Variants in TERB2 observed in about 807,000 individuals in gnomAD.
The protein encoded by TERB2 is telomere repeat binding bouquet formation protein 2.
TERB2 carries 26 observed loss-of-function variants against 29.8 expected under a neutral mutation model. The ratio of observed to expected loss-of-function variants is 0.87; its 90% CI spans 0.64 to 1.21. TERB2 has a LOEUF of 1.21. TERB2 is among the 50% of genes most tolerant of loss of function. TERB2 has a pLI of 0.00. For missense variants in TERB2, 240 were observed against 268.6 expected (o/e 0.89, Z 0.74); for synonymous variants, 80 against 90.8 (o/e 0.88, Z 0.68).
intron 2 of TERB2, among the ~76,000 whole-genome samples, chr15:44,957,925 T>G (rs1238600840): frequency 1.3e-5 from 2 of 152,070 alleles, no homozygotes; most frequent in African/African-American, 4.8e-5. Flanking sequence ...CCATTATTGT[T>G]CATGCATGCC....
In TERB2 at chr15:44,965,473, TAAAG is replaced by T. The variant is rs951057204; in HGVS notation, c.349-683_349-680del. 2.0e-3 allele frequency among the ~76,000 whole-genome samples: 294 copies of T among 144,526 alleles called. 2 individuals are homozygous for T. The highest frequency in any genetic ancestry group is 2.7e-3 in the Non-Finnish European group (181 of 66,114). The allele number at this position is 144,526 out of a possible 152,430, so 94.8% of individuals were successfully genotyped here. On this transcript the variant is annotated intron_variant, in intron 4 of 6. Coordinates refer to ENST00000340827, the MANE Select transcript of TERB2 (RefSeq NM_152448.3). ...ATATTTATAAAGATATATATATTTA[TAAAG>T]ATATATATTTATATAGATATATATT...
chr15:44,974,112 C>T (rs1892009923), intron 6 of TERB2, among the ~76,000 whole-genome samples, 157 bp downstream of exon 6: 1 of 152,170 alleles, frequency 6.6e-6, no homozygotes, highest in Non-Finnish European at 1.5e-5. Context: ...GAATAAATTA[C>T]CTGCAGAATT....
At chr15:44,974,030 G>A in intron 6 of TERB2, 75 bp downstream of exon 6, 1 of 1,312,050 alleles carries the variant, frequency 7.6e-7, no homozygotes, top group Admixed American at 2.4e-5. Flanking sequence ...TAAAGCTGTT[G>A]TACTTCAGAT....
chr15:44,957,439 C>T (rs1447257492), intron 2 of TERB2, among the ~76,000 whole-genome samples: 1 of 152,026 alleles, frequency 6.6e-6, no homozygotes, highest in Non-Finnish European at 1.5e-5. Context: ...CTCTTCTACA[C>T]CCGCATGTAG....
intron 5 of TERB2, among the ~76,000 whole-genome samples, chr15:44,971,677 C>A (rs1453561416): frequency 6.6e-6 from 1 of 151,964 alleles, no homozygotes; most frequent in Non-Finnish European, 1.5e-5. Context: ...ATGGCCTGAA[C>A]CTGGGAGGCC....
Position 44,956,736 on chromosome 15 carries a change from C to T in TERB2, c.18C>T (p.Arg6=), listed in dbSNP as rs200832886. 29 of 1,611,846 alleles carry T rather than the reference C, an allele frequency of 1.8e-5. No homozygotes were observed. Among genetic ancestry groups the T allele is most frequent in the Middle Eastern group, 1.7e-4 (1 of 6,044 alleles). Residue 6 remains arginine (R), a synonymous_variant, in exon 1 of 7, where the codon CGC becomes CGT. Coordinates refer to ENST00000340827, the MANE Select transcript of TERB2 (RefSeq NM_152448.3). MFQGQ[R]GWFCGSVSQD... ...GCGACGCCATGTTTCAAGGGCAGCG[C>T]GGTTGGTTTTGCGGCAGCGTTAGCC... is the stretch of plus-strand genomic sequence containing the variant.
intron 5 of TERB2, among the ~76,000 whole-genome samples, chr15:44,971,941 G>A (rs971256976): frequency 1.4e-5 from 2 of 144,084 alleles, no homozygotes; most frequent in African/African-American, 5.1e-5. Flanking sequence ...TCATCCTGAT[G>A]AGTAGAGTTT....
chr15:44,962,077 A>G (rs1372416309), intron 4 of TERB2, among the ~76,000 whole-genome samples: 1 of 152,182 alleles, frequency 6.6e-6, no homozygotes, highest in Non-Finnish European at 1.5e-5. Flanking sequence ...TGCATTAGTA[A>G]AATTGAGGTT....
chr15:44,978,530 C>G lies in TERB2; in HGVS notation c.565C>G (p.Leu189Val). ...TGCCATGAAGAAATTCCTTGGGGAG[C>G]TACATGACTTCATTCCTGGAACCTC... ...IDAMKKFLGELHDFIPGTSGY... is the reference protein window; with the variant it reads ...IDAMKKFLGEVHDFIPGTSGY... The change falls in exon 7 of 7, where the codon CTA (leucine) becomes GTA (valine). Residue 189 changes from leucine to valine, a missense_variant. Leu to Val is a conservative substitution (Grantham distance 32). Transcript: ENST00000340827. The G allele has an allele frequency of 6.2e-7, 1 of 1,608,476 alleles. No individual in the cohort carries two copies. The highest frequency in any genetic ancestry group is 1.1e-5 in the South Asian group (1 of 89,776).
At position 44,958,362 on chromosome 15, in the gene TERB2, C is replaced by G. The variant is rs1052986149; in HGVS notation, c.147-11C>G. 21 of 1,584,992 alleles carry G rather than the reference C, an allele frequency of 1.3e-5. No homozygotes were observed. In the Admixed American group the frequency reaches 1.5e-4, roughly 12 times the overall value. ...TTTCATAACCTAAAATATTTCCTTT[C>G]TTTCTCCTAGAATATATCAGAGCCT... On this transcript the variant is annotated splice_polypyrimidine_tract_variant and intron_variant, in intron 2 of 6. Transcript: ENST00000340827.
intron 5 of TERB2, among the ~76,000 whole-genome samples, chr15:44,968,237 A>G (rs998668874): frequency 7.2e-5 from 11 of 151,896 alleles, no homozygotes; most frequent in Non-Finnish European, 1.2e-4. Flanking sequence ...TTTAATTGAG[A>G]CAGAATCTTA....
In TERB2 at chr15:44,957,108, G is replaced by T. The variant is rs1321562366; in HGVS notation, c.146+131G>T. 3 of 973,704 alleles carry T rather than the reference G, an allele frequency of 3.1e-6. No individual in the cohort carries two copies. In the African/African-American group the frequency reaches 4.9e-5, roughly 16 times the overall value. The allele number at this position is 973,704 out of a possible 1,614,324, so 60.3% of individuals were successfully genotyped here. A position where few individuals can be genotyped will look rare whatever the true frequency, so the allele number is the denominator to read the frequency against. The stretch of plus-strand genomic sequence containing the variant: ...GGACACCTATAATCCCAGCTACTGG[G>T]AAGACTGAAGCAGGAGAATCGCTTG... On this transcript the variant is annotated intron_variant, in intron 2 of 6. Transcript: ENST00000340827.
At chr15:44,961,688 G>A (rs1447695597) in intron 4 of TERB2, 104 bp downstream of exon 4, 5 of 717,728 alleles carry the variant, frequency 7.0e-6, no homozygotes, top group Admixed American at 3.1e-5. Flanking sequence ...GCACCAATGA[G>A]TCAGATTAAG....
intron 5 of TERB2, among the ~76,000 whole-genome samples, chr15:44,971,834 T>C (rs1006581644): frequency 2.1e-5 from 3 of 144,610 alleles, no homozygotes; most frequent in African/African-American, 7.7e-5. Flanking sequence ...TCCCCCCCCC[T>C]CCTTTTTTCC....
chr15:44,972,890 T>TTG lies in TERB2; in HGVS notation c.435-976_435-975insGT, dbSNP rs1374351627. On this transcript the variant is annotated intron_variant, in intron 5 of 6. Transcript: ENST00000340827. ...TTGTATAATTAGAACATCAATTGTT[T>TTG]TTTTTTTTTTGAGGTGGAGTCTCGT... Among the ~76,000 whole-genome samples the TTG allele has an allele frequency of 2.0e-5, 3 of 151,792 alleles. No homozygotes were observed. In the East Asian group the frequency reaches 5.8e-4, roughly 29 times the overall value.
chr15:44,964,068 C>T (rs1891848846), intron 4 of TERB2, among the ~76,000 whole-genome samples: 1 of 152,112 alleles, frequency 6.6e-6, no homozygotes, highest in Non-Finnish European at 1.5e-5. Context: ...CTTGGCCTCC[C>T]AAAGTGCTGG....
intron 2 of TERB2, 22 bp downstream of exon 2, chr15:44,956,999 T>G (rs375025495): frequency 1.3e-6 from 2 of 1,599,184 alleles, no homozygotes; most frequent in Non-Finnish European, 1.7e-6. Context: ...GACCTGGCAG[T>G]GCCTCTTATG....
Position 44,978,602 on chromosome 15 carries a change from A to C in TERB2, c.637A>C (p.Ile213Leu). The C allele has an allele frequency of 6.3e-7, 1 of 1,597,078 alleles. No individual in the cohort carries two copies. The highest frequency in any genetic ancestry group is 1.1e-5 in the South Asian group (1 of 87,044). ...TCAAAATGAAATTAATATGTCTGCT[A>C]TAAAAAACAAATTGAAGAGGAAATA... ...HVQNEINMSA[I>L]KNKLKRK Residue 213 changes from isoleucine to leucine, a missense_variant, in exon 7 of 7, where the codon ATA (isoleucine) becomes CTA (leucine). By Grantham distance (5) the Ile-to-Leu change is conservative. Transcript: ENST00000340827.
chr15:44,965,613 T>TA (rs1486705910), intron 4 of TERB2, among the ~76,000 whole-genome samples: 1 of 145,116 alleles, frequency 6.9e-6, no homozygotes, highest in Non-Finnish European at 1.5e-5. Context: ...ATTTAATAGA[T>TA]ATATAAATAT....
Sources: gnomAD v4.1 joint callset for allele counts (sites outside exome capture counted in the v4.1 genomes callset) on GRCh38, gnomAD v4.1.1 for gene constraint, MANE v1.5 for transcripts, NCBI Gene and HGNC (gene_info 2026-07-23, HGNC 2026-07-21) for gene names.